ROBO2: variants seen among roughly 807,000 people sequenced by gnomAD.
ROBO2 encodes the protein roundabout homolog 2.
In ROBO2, 53 loss-of-function variants were observed where a neutral mutation model predicts 160.8. That is an observed-to-expected ratio of 0.33 (90% CI 0.26 to 0.41). ROBO2 has a LOEUF of 0.41. Ranked by LOEUF, ROBO2 falls within the 10% of genes least tolerant of loss-of-function variation. ROBO2 has a pLI of 1.00. For synonymous variants in ROBO2, 664 were observed against 611.7 expected (o/e 1.09, Z -1.26); for missense variants, 1,577 against 1,722.4 (o/e 0.92, Z 1.49).
chr3:77,645,239 C>T (rs896431401), intron 25 of ROBO2, among the ~76,000 whole-genome samples: 1 of 152,128 alleles, frequency 6.6e-6, no homozygotes, highest in Non-Finnish European at 1.5e-5. Flanking sequence ...GAAATGGAGA[C>T]ACTGGCCTTT....
intron 2 of ROBO2, among the ~76,000 whole-genome samples, chr3:76,029,498 A>G (rs1233596520): frequency 6.6e-6 from 1 of 151,948 alleles, no homozygotes; most frequent in African/African-American, 2.4e-5. Flanking sequence ...TATTTCTCCT[A>G]AAGCTATCCC....
intron 2 of ROBO2, among the ~76,000 whole-genome samples, chr3:76,550,334 T>C (rs1200969012): frequency 9.0e-6 from 1 of 111,380 alleles, no homozygotes; most frequent in Non-Finnish European, 2.3e-5. Context: ...AGTTAGCATG[T>C]AGCCAATAAA....
chr3:76,571,648 A>G (rs1213777856), intron 2 of ROBO2, among the ~76,000 whole-genome samples: 2 of 152,140 alleles, frequency 1.3e-5, no homozygotes, highest in Non-Finnish European at 2.9e-5. Context: ...TGAGTCCCAA[A>G]TTCATATTTA....
intron 21 of ROBO2, among the ~76,000 whole-genome samples, chr3:77,613,067 G>T (rs1031303199): frequency 6.6e-6 from 1 of 152,122 alleles, no homozygotes; most frequent in African/African-American, 2.4e-5. Context: ...TTTGACTAAT[G>T]CCAAATACAA....
Position 75,982,580 on chromosome 3 carries a change from A to G in ROBO2, c.109+44978A>G, listed in dbSNP as rs548724370. On this transcript the variant is annotated intron_variant, in intron 2 of 26. Coordinates refer to the ROBO2 transcript ENST00000487694. ...GCTATTCTTAATGTGTTCTTTTAAT[A>G]ATATATTTAAATTTTTAAAGCCCTA... Among the ~76,000 whole-genome samples the G allele has an allele frequency of 4.6e-5, 7 of 151,590 alleles. No individual in the cohort carries two copies. In the South Asian group the frequency reaches 1.2e-3, roughly 27 times the overall value.
intron 2 of ROBO2, among the ~76,000 whole-genome samples, chr3:76,553,502 A>G (rs1332493281): frequency 2.0e-5 from 3 of 152,172 alleles, no homozygotes; most frequent in African/African-American, 7.2e-5. Context: ...GAAACACTAG[A>G]TATTGGGCTC....
chr3:76,324,766 A>G (rs893272426), intron 2 of ROBO2, among the ~76,000 whole-genome samples: 5 of 152,180 alleles, frequency 3.3e-5, no homozygotes, highest in African/African-American at 1.2e-4. Context: ...ACTTTACTAC[A>G]TGCAATTTCT....
intron 2 of ROBO2, among the ~76,000 whole-genome samples, chr3:77,225,984 T>A (rs974303608): frequency 6.6e-6 from 1 of 152,024 alleles, no homozygotes; most frequent in Admixed American, 6.6e-5. Flanking sequence ...ATGAGACTCA[T>A]GTAAGCATAT....
At chr3:77,610,717 A>G (rs2094612333) in intron 21 of ROBO2, among the ~76,000 whole-genome samples, 1 of 140,820 alleles carries the variant, frequency 7.1e-6, no homozygotes, top group South Asian at 2.5e-4. Flanking sequence ...GTGCAAATGG[A>G]GACAAATTTC....
intron 2 of ROBO2, among the ~76,000 whole-genome samples, chr3:77,329,741 G>T (rs1378328642): frequency 6.6e-6 from 1 of 152,134 alleles, no homozygotes; most frequent in Non-Finnish European, 1.5e-5. Context: ...GTCAGTCTAA[G>T]GATTCAGGCA....
intron 2 of ROBO2, among the ~76,000 whole-genome samples, chr3:76,251,294 G>A (rs755842194): frequency 3.9e-5 from 6 of 152,014 alleles, no homozygotes; most frequent in East Asian, 1.9e-4. Context: ...AGCTAGTTGC[G>A]GGAGGGTATG....
intron 2 of ROBO2, among the ~76,000 whole-genome samples, chr3:76,718,764 G>C (rs2093421567): frequency 6.6e-6 from 1 of 152,200 alleles, no homozygotes; most frequent in African/African-American, 2.4e-5. Flanking sequence ...TTAGACAAAT[G>C]TAGGTTGAAA....
chr3:77,599,248 A>T (rs937072116), intron 19 of ROBO2, among the ~76,000 whole-genome samples: 1 of 152,180 alleles, frequency 6.6e-6, no homozygotes, highest in African/African-American at 2.4e-5. Flanking sequence ...TGAAATAGTC[A>T]TATTTCCATT....
At chr3:76,390,354 T>G (rs548335271) in intron 2 of ROBO2, among the ~76,000 whole-genome samples, 218 of 152,270 alleles carry the variant, frequency 1.4e-3, no homozygotes, top group Middle Eastern at 3.4e-3. Flanking sequence ...TAACTATATA[T>G]ATAAACTATT....
At position 76,226,572 on chromosome 3, in the gene ROBO2, C is replaced by A. The variant is rs879817532; in HGVS notation, c.109+288970C>A. 8.5e-5 allele frequency among the ~76,000 whole-genome samples: 13 copies of A among 152,116 alleles called. 1 individual carries two copies. Among genetic ancestry groups the A allele is most frequent in the Non-Finnish European group, 1.9e-4 (13 of 68,020 alleles). On this transcript the variant is annotated intron_variant, in intron 2 of 26. Coordinates refer to the ROBO2 transcript ENST00000487694. ...ATGCAAAGTTTGGACCAGTTTTTAA[C>A]AAATCAATTATAATGTATTTTTTTA...
chr3:77,557,996 G>A (rs191732065), exon 9 of ROBO2: 2 of 1,613,086 alleles, frequency 1.2e-6, no homozygotes, highest in Non-Finnish European at 1.7e-6. Context: ...CCAACCAAAC[G>A]CTGGCAGTGG....
intron 2 of ROBO2, among the ~76,000 whole-genome samples, chr3:76,675,609 A>G (rs981363268): frequency 6.6e-6 from 1 of 152,180 alleles, no homozygotes; most frequent in Non-Finnish European, 1.5e-5. Flanking sequence ...TAGAGTTGAC[A>G]GACTTTGACA....
At chr3:76,562,695 A>G (rs569126282) in intron 2 of ROBO2, among the ~76,000 whole-genome samples, 68 of 152,266 alleles carry the variant, frequency 4.5e-4, no homozygotes, top group Non-Finnish European at 8.4e-4. Flanking sequence ...TTTATCTGGT[A>G]TATTACAACC....
intron 2 of ROBO2, among the ~76,000 whole-genome samples, chr3:76,035,819 G>A (rs977976828): frequency 6.6e-6 from 1 of 151,872 alleles, no homozygotes; most frequent in African/African-American, 2.4e-5. Context: ...ATTTTCATCT[G>A]ATCTTACAAG....
Sources: allele counts gnomAD v4.1 joint callset (sites outside exome capture counted in the v4.1 genomes callset), GRCh38; gene constraint gnomAD v4.1.1; transcripts MANE v1.5; gene names NCBI Gene and HGNC (gene_info 2026-07-23, HGNC 2026-07-21).